The following TUBB3 variants were observed in gnomAD, a reference collection of about 807,000 sequenced individuals.
TUBB3 encodes the protein tubulin beta 3 class III.
A neutral mutation model predicts 37.8 loss-of-function variants in TUBB3; 17 were observed. The observed-to-expected ratio is 0.45, with a 90% CI of 0.31 to 0.67. The LOEUF (loss-of-function observed/expected upper bound fraction) is 0.67. Ranked by LOEUF, TUBB3 falls within the 30% of genes least tolerant of loss-of-function variation. The pLI, the probability that TUBB3 is intolerant of heterozygous loss-of-function variation, is 0.07. For missense variants in TUBB3, 262 were observed against 657.9 expected (o/e 0.40, Z 6.58); for synonymous variants, 332 against 278.9 (o/e 1.19, Z -1.90).
chr16:89,926,279 C>T (rs1449108832), intron 1 of TUBB3, among the ~76,000 whole-genome samples: 4 of 152,232 alleles, frequency 2.6e-5, no homozygotes, highest in Non-Finnish European at 5.9e-5. Flanking sequence ...GGGGCGGGGC[C>T]TGGCCGTCTC....
At chr16:89,923,799 T>C (rs1027016858) in intron 1 of TUBB3, among the ~76,000 whole-genome samples, 5 of 151,906 alleles carry the variant, frequency 3.3e-5, no homozygotes, top group Admixed American at 2.0e-4. Context: ...GCCCTCTTTT[T>C]TGGGGCCGCG....
At chr16:89,931,377 C>T (rs1428075449) in intron 1 of TUBB3, among the ~76,000 whole-genome samples, 1 of 152,224 alleles carries the variant, frequency 6.6e-6, no homozygotes, top group African/African-American at 2.4e-5. Context: ...AAAAGTCACT[C>T]CTGAGGAGTA....
Position 89,936,068 on chromosome 16 carries a change from T to A in TUBB3, c.*264T>A. ...TTTGTGTTTATATTTTCGGGGATAC[T>A]TAATAAATCTATTGCTGTCAGATAC... is the stretch of plus-strand genomic sequence containing the variant. On this transcript the variant is annotated 3_prime_UTR_variant, in exon 4 of 4. Transcript: ENST00000315491. 1.7e-6 allele frequency: 1 copy of A among 573,046 alleles called. No individual in the cohort carries two copies. Among genetic ancestry groups the A allele is most frequent in the South Asian group, 2.1e-5 (1 of 47,404 alleles). The allele number at this position is 573,046 out of a possible 1,614,324, so 35.5% of individuals were successfully genotyped here. A position where few individuals can be genotyped will look rare whatever the true frequency, so the allele number is the denominator to read the frequency against.
intron 1 of TUBB3, among the ~76,000 whole-genome samples, chr16:89,925,832 C>G (rs1483974190): frequency 1.3e-5 from 2 of 152,120 alleles, no homozygotes; most frequent in Non-Finnish European, 2.9e-5. Context: ...CCCGTGCACT[C>G]TGGGCAGAGG....
upstream of TUBB3, among the ~76,000 whole-genome samples, chr16:89,922,839 AGGGCCT>A (rs1173206901): frequency 6.6e-6 from 1 of 152,190 alleles, no homozygotes; most frequent in Admixed American, 6.5e-5. Context: ...CAGTGGGTTC[AGGGCCT>A]GGGCCAGCCT....
At chr16:89,932,103 G>A (rs1274233455) in intron 1 of TUBB3, 4 of 300,522 alleles carry the variant, frequency 1.3e-5, no homozygotes, top group African/African-American at 4.4e-5. Context: ...AGGGGCAGGT[G>A]TAGCAGCCAA....
At chr16:89,933,088 G>A (rs1258300051) in intron 2 of TUBB3, 1 of 486,330 alleles carries the variant, frequency 2.1e-6, no homozygotes, top group Non-Finnish European at 3.9e-6. Context: ...ATGGACATGT[G>A]ATTTAAAATT....
At chr16:89,931,657 C>G (rs183770644) in intron 1 of TUBB3, 1 of 166,426 alleles carries the variant, frequency 6.0e-6, no homozygotes, top group East Asian at 1.6e-4. Context: ...AAAAAGACCT[C>G]CTGTCATCGT....
At chr16:89,928,569 G>T (rs1429514208) in intron 1 of TUBB3, among the ~76,000 whole-genome samples, 1 of 150,348 alleles carries the variant, frequency 6.7e-6, no homozygotes, top group African/African-American at 2.5e-5. Flanking sequence ...CTGTTGCCCA[G>T]GCTGGAGCAC....
chr16:89,934,874 C>A lies in TUBB3; in HGVS notation c.423C>A (p.Gly141=). 6.2e-7 allele frequency: 1 copy of A among 1,614,060 alleles called. No individual in the cohort carries two copies. Among genetic ancestry groups the A allele is most frequent in the Non-Finnish European group, 8.5e-7 (1 of 1,180,006 alleles). ...TCCAGCTGACCCACTCGCTGGGGGG[C>A]GGCACGGGCTCCGGCATGGGCACGT... is the stretch of plus-strand genomic sequence containing the variant. ...QGFQLTHSLG[G]GTGSGMGTLL... The change falls in exon 4 of 4, where the codon GGC becomes GGA. Residue 141 remains glycine, a synonymous_variant. Transcript: ENST00000315491.
chr16:89,927,194 G>T (rs1031229703), intron 1 of TUBB3, among the ~76,000 whole-genome samples: 1 of 151,760 alleles, frequency 6.6e-6, no homozygotes, highest in African/African-American at 2.4e-5. Flanking sequence ...GGGCAACATG[G>T]CAAGACTCCG....
At chr16:89,928,439 A>T (rs1277815058) in intron 1 of TUBB3, among the ~76,000 whole-genome samples, 4 of 149,278 alleles carry the variant, frequency 2.7e-5, no homozygotes, top group Non-Finnish European at 5.9e-5. Context: ...GCTCACTGCA[A>T]CCTCCACCTC....
Position 89,935,609 on chromosome 16 carries a change from G to A in TUBB3, c.1158G>A (p.Thr386=), listed in dbSNP as rs773849361. ...TCAAGCGCATCTCCGAGCAGTTCAC[G>A]GCCATGTTCCGGCGCAAGGCCTTCC... ...ELFKRISEQF[T]AMFRRKAFLH... is the part of the protein sequence containing the mutation. The change falls in exon 4 of 4, where the codon ACG becomes ACA. Residue 386 remains threonine, a synonymous_variant. Transcript: ENST00000315491. The A allele has an allele frequency of 1.2e-5, 20 of 1,613,894 alleles. No individual in the cohort carries two copies. In the African/African-American group the frequency reaches 1.3e-4, roughly 11 times the overall value.
At position 89,935,386 on chromosome 16, in the gene TUBB3, C is replaced by T. The variant is rs777771368; in HGVS notation, c.935C>T (p.Thr312Met). 6.2e-7 allele frequency: 1 copy of T among 1,614,100 alleles called. No individual in the cohort carries two copies. The change falls in exon 4 of 4, where the codon ACG becomes ATG. Residue 312 changes from threonine to methionine, a missense_variant. Physicochemically the swap from Thr to Met is moderately conservative, Grantham distance 81 (BLOSUM62 -1). Transcript: ENST00000315491. ...GACCCGCGCCACGGCCGCTACCTGACGGTGGCCACCGTGTTCCGGGGCCGC... is the reference window on the plus strand; with the variant it reads ...GACCCGCGCCACGGCCGCTACCTGATGGTGGCCACCGTGTTCCGGGGCCGC... ...ACDPRHGRYL[T>M]VATVFRGRMS...
At chr16:89,925,348 T>C (rs535129764) in intron 1 of TUBB3, among the ~76,000 whole-genome samples, 1 of 151,922 alleles carries the variant, frequency 6.6e-6, no homozygotes, top group East Asian at 1.9e-4. Flanking sequence ...TCCCAGCACT[T>C]TGGGAGACTG....
chr16:89,928,364 T>C (rs1247887586), intron 1 of TUBB3, among the ~76,000 whole-genome samples: 1 of 150,448 alleles, frequency 6.6e-6, no homozygotes, highest in Non-Finnish European at 1.5e-5. Flanking sequence ...CTGATTTTTT[T>C]GTTTGTTTGT....
At chr16:89,925,427 T>TAAAAAA (rs36088141) in intron 1 of TUBB3, among the ~76,000 whole-genome samples, 1 of 137,134 alleles carries the variant, frequency 7.3e-6, no homozygotes, top group Non-Finnish European at 1.6e-5. Flanking sequence ...CTCCGTTTCT[T>TAAAAAA]AAAAAAAAAA....
At chr16:89,934,699 C>T in intron 3 of TUBB3, 30 bp from the exon 4 acceptor site, 1 of 1,610,216 alleles carries the variant, frequency 6.2e-7, no homozygotes, top group Non-Finnish European at 8.5e-7. Flanking sequence ...TCCCTGGCCC[C>T]TGTCTCTTAC....
intron 1 of TUBB3, among the ~76,000 whole-genome samples, chr16:89,928,427 C>T (rs1040159789): frequency 6.7e-6 from 1 of 149,358 alleles, no homozygotes; most frequent in Non-Finnish European, 1.5e-5. Context: ...GGAGTGATCT[C>T]GGCTCACTGC....
Sources: gnomAD v4.1 joint callset for allele counts (sites outside exome capture counted in the v4.1 genomes callset) on GRCh38, gnomAD v4.1.1 for gene constraint, MANE v1.5 for transcripts, NCBI Gene and HGNC (gene_info 2026-07-23, HGNC 2026-07-21) for gene names.